ILF2: variants seen among roughly 807,000 people sequenced by gnomAD.
ILF2 encodes interleukin enhancer-binding factor 2.
In ILF2, 9 loss-of-function variants were observed where a neutral mutation model predicts 55.3. That is an observed-to-expected ratio of 0.16 (90% CI 0.10 to 0.28). The LOEUF is 0.28. Ranked by LOEUF, ILF2 falls within the 10% of genes least tolerant of loss-of-function variation. ILF2 has a pLI of 1.00. For synonymous variants in ILF2, 151 were observed against 161.8 expected (o/e 0.93, Z 0.50); for missense variants, 266 against 474.9 (o/e 0.56, Z 4.09).
intron 13 of ILF2, 25 bp downstream of exon 13, chr1:153,662,680 C>T (rs754173145): frequency 1.9e-6 from 3 of 1,606,632 alleles, no homozygotes; most frequent in South Asian, 2.2e-5. Flanking sequence ...CAATACAAAA[C>T]CCCTGACCCA....
intron 8 of ILF2, 79 bp downstream of exon 8, chr1:153,665,141 G>T (rs3862047): frequency 1.2e-6 from 1 of 861,468 alleles, no homozygotes; most frequent in Non-Finnish European, 2.0e-6. Flanking sequence ...ATAGCAACAA[G>T]CTAAGTAAAC....
intron 10 of ILF2, 51 bp downstream of exon 10, chr1:153,663,992 C>G (rs1328246767): frequency 1.0e-5 from 9 of 878,106 alleles, no homozygotes; most frequent in Non-Finnish European, 1.5e-5. Context: ...ACTACTACTA[C>G]TACTAGTAAA....
chr1:153,669,736 C>T, intron 3 of ILF2, 100 bp downstream of exon 3: 1 of 993,176 alleles, frequency 1.0e-6, no homozygotes, highest in Non-Finnish European at 1.6e-6. Flanking sequence ...GGCACTGTGT[C>T]TGCCCTCTTC....
Position 153,665,772 on chromosome 1 carries a change from C to A in ILF2, c.395-44G>T, listed in dbSNP as rs947434881. The A allele has an allele frequency of 2.1e-6, 3 of 1,453,706 alleles. No homozygotes were observed. In the African/African-American group the frequency reaches 4.2e-5, roughly 20 times the overall value. 90.1% of individuals were successfully genotyped at this position (1,453,706 alleles called of 1,614,324 possible). On this transcript the variant is annotated intron_variant, in intron 6 of 13. Coordinates refer to ENST00000361891, the MANE Select transcript of ILF2 (RefSeq NM_004515.4). ...CATAATGTTATAATAATTTATTTGC[C>A]TAGACTTTCTATGTATCTCTAAGCT...
At chr1:153,670,014 T>C in intron 2 of ILF2, 136 bp from the exon 3 acceptor site, 1 of 1,094,238 alleles carries the variant, frequency 9.1e-7, no homozygotes, top group Non-Finnish European at 1.4e-6. Flanking sequence ...GAATCATTCT[T>C]AGCATAGTGG....
chr1:153,662,666 A>G (rs1363012668), intron 13 of ILF2, 39 bp downstream of exon 13: 24 of 1,593,524 alleles, frequency 1.5e-5, no homozygotes, highest in Non-Finnish European at 2.0e-5. Flanking sequence ...TCTGTACCAG[A>G]TTACAATACA....
At chr1:153,663,643 A>G (rs1293279160) in intron 10 of ILF2, among the ~76,000 whole-genome samples, 1 of 152,012 alleles carries the variant, frequency 6.6e-6, no homozygotes, top group Non-Finnish European at 1.5e-5. Flanking sequence ...GATCACGAGG[A>G]AAACTGGTCA....
chr1:153,667,493 T>A, intron 6 of ILF2, 62 bp downstream of exon 6: 1 of 1,164,794 alleles, frequency 8.6e-7, no homozygotes, highest in Non-Finnish European at 1.3e-6. Flanking sequence ...CAAAAAAAGA[T>A]ACCTAAACCC....
rs762247904 is a variant in ILF2, at chr1:153,663,041, G to C, written c.899C>G (p.Thr300Arg). 1 of 1,613,812 alleles carries C rather than the reference G, an allele frequency of 6.2e-7. No homozygotes were observed. Among genetic ancestry groups the C allele is most frequent in the Admixed American group, 1.7e-5 (1 of 60,018 alleles). Reference sequence around the variant, plus strand: ...TACCTGCTGTTCTAGGGTCATGACTGTGTGTACTCTAAAGTTGCCACTCTC... The same window carrying C: ...TACCTGCTGTTCTAGGGTCATGACTCTGTGTACTCTAAAGTTGCCACTCTC... ...PCESGNFRVH[T>R]VMTLEQQDMV... The change falls in exon 12 of 14, where the codon ACA (threonine) becomes AGA (arginine). Residue 300 changes from threonine (T) to arginine (R), a missense_variant. Transcript: ENST00000361891.
Position 153,669,961 on chromosome 1 carries a change from T to C in ILF2, c.66-83A>G. 7 of 1,250,866 alleles carry C rather than the reference T, an allele frequency of 5.6e-6. No homozygotes were observed. In the South Asian group the frequency reaches 8.4e-5, roughly 15 times the overall value. 77.5% of individuals were successfully genotyped at this position (1,250,866 alleles called of 1,614,324 possible). A position where few individuals can be genotyped will look rare whatever the true frequency, so the allele number is the denominator to read the frequency against. On this transcript the variant is annotated intron_variant, in intron 2 of 13. Coordinates refer to ENST00000361891, the MANE Select transcript of ILF2 (RefSeq NM_004515.4). Reference sequence around the variant, plus strand: ...TAACACGCCAACAATTTTGAAAACATGTCAGTCCTCAGAATGAGTGACAAA... The same window carrying C: ...TAACACGCCAACAATTTTGAAAACACGTCAGTCCTCAGAATGAGTGACAAA...
At position 153,665,703 on chromosome 1, in the gene ILF2, G is replaced by C; in HGVS notation, c.420C>G (p.Asn140Lys). ...PTLEAVAALG[N>K]KVVESLRAQD... is the part of the protein sequence containing the mutation. ...GTGCTCTTAGGCTTTCCACGACTTT[G>C]TTCCCCAGGGCAGCAACAGCTTCCA... Residue 140 changes from asparagine to lysine, a missense_variant, in exon 7 of 14, where the codon AAC (asparagine) becomes AAG (lysine). By Grantham distance (94) the Asn-to-Lys change is moderately conservative (BLOSUM62 0). Coordinates refer to ENST00000361891, the MANE Select transcript of ILF2 (RefSeq NM_004515.4). 1.2e-6 allele frequency: 2 copies of C among 1,612,200 alleles called. No individual in the cohort carries two copies. Among genetic ancestry groups the C allele is most frequent in the Non-Finnish European group, 1.7e-6 (2 of 1,179,306 alleles).
rs775063545 is a variant in ILF2, at chr1:153,664,496, G to A, written c.578-22C>T. The A allele has an allele frequency of 2.5e-5, 40 of 1,578,722 alleles. No homozygotes were observed. The Middle Eastern group carries it at 1.0e-3, about 39-fold the overall frequency. ...TCCACTAAAAAGACAAGCATGATAT[G>A]CCAGGATGAAACATTTTCATTAAAC... On this transcript the variant is annotated intron_variant, in intron 8 of 13. Coordinates refer to ENST00000361891, the MANE Select transcript of ILF2 (RefSeq NM_004515.4).
In ILF2 at chr1:153,664,416, C is replaced by T; in HGVS notation, c.636G>A (p.Glu212=). The change falls in exon 9 of 14, where the codon GAG becomes GAA. Residue 212 remains glutamate, a synonymous_variant. Coordinates refer to ENST00000361891, the MANE Select transcript of ILF2 (RefSeq NM_004515.4). Reference sequence around the variant, plus strand: ...CTCACGTGGACTGAGAAGCATTTTCCTCGAACCAGCGGGCATGTCGGATGG... The same window carrying T: ...CTCACGTGGACTGAGAAGCATTTTCTTCGAACCAGCGGGCATGTCGGATGG... The part of the protein sequence containing the change: ...LAAIRHARWF[E]ENASQSTVKV... The T allele has an allele frequency of 6.2e-7, 1 of 1,614,032 alleles. No homozygotes were observed. Among genetic ancestry groups the T allele is most frequent in the East Asian group, 2.2e-5 (1 of 44,886 alleles).
intron 4 of ILF2, 141 bp from the exon 5 acceptor site, chr1:153,668,218 G>A (rs941404335): frequency 1.7e-5 from 13 of 777,788 alleles, no homozygotes; most frequent in Non-Finnish European, 2.5e-5. Context: ...TTCTGGCCTT[G>A]AATATATGGG....
At chr1:153,669,114 C>CA (rs1220952783) in intron 3 of ILF2, among the ~76,000 whole-genome samples, 1 of 151,990 alleles carries the variant, frequency 6.6e-6, no homozygotes, top group African/African-American at 2.4e-5. Context: ...GAGGCTGAGG[C>CA]AGGAGAATCG....
At chr1:153,670,086 G>A in intron 2 of ILF2, 85 bp downstream of exon 2, 1 of 1,413,020 alleles carries the variant, frequency 7.1e-7, no homozygotes, top group Non-Finnish European at 1.0e-6. Context: ...AAAACCAAGT[G>A]ACATTAGTCT....
rs79913857 is a variant in ILF2 at position 153,669,896 on chromosome 1, G to T, written c.66-18C>A. On this transcript the variant is annotated intron_variant, in intron 2 of 13. Coordinates refer to ENST00000361891, the MANE Select transcript of ILF2 (RefSeq NM_004515.4). ...GCCTGAACCTAAAACATGAAAAACA[G>T]CCAAATTATTCCCTAGGTAGGAATC... 235,573 of 1,595,934 alleles carry T rather than the reference G, an allele frequency of 0.15. 19,583 individuals are homozygous for T. Among genetic ancestry groups the T allele is most frequent in the Non-Finnish European group, 0.16 (191,454 of 1,163,208 alleles).
chr1:153,664,238 C>T, intron 9 of ILF2, 108 bp from the exon 10 acceptor site: 2 of 975,920 alleles, frequency 2.0e-6, no homozygotes, highest in South Asian at 1.5e-5. Context: ...ACATTCTCTG[C>T]TTTCTCTAAA....
At chr1:153,669,486 A>G (rs1363778152) in intron 3 of ILF2, among the ~76,000 whole-genome samples, 3 of 151,150 alleles carry the variant, frequency 2.0e-5, no homozygotes, top group African/African-American at 7.3e-5. Context: ...TCCCTATTTC[A>G]ACCATCTTTT....
Sources: allele counts gnomAD v4.1 joint callset (sites outside exome capture counted in the v4.1 genomes callset), GRCh38; gene constraint gnomAD v4.1.1; transcripts MANE v1.5; gene names NCBI Gene and HGNC (gene_info 2026-07-23, HGNC 2026-07-21).